LAMA5: variants seen among roughly 807,000 people sequenced by gnomAD.
LAMA5 encodes the protein laminin subunit alpha 5.
LAMA5 carries 260 observed loss-of-function variants against 433.4 expected under a neutral mutation model. The ratio of observed to expected loss-of-function variants is 0.60; its 90% CI spans 0.54 to 0.66. The LOEUF (loss-of-function observed/expected upper bound fraction) is 0.66. Among genes scored for constraint, LAMA5 ranks in the 30% least tolerant of loss-of-function variants. The probability of loss-of-function intolerance (pLI) is 0.00; values close to 1 mark genes in which losing one functional copy is unlikely to be tolerated. For synonymous variants in LAMA5, 2,620 were observed against 2,226.6 expected, an observed-to-expected ratio of 1.18 and a Z score of -4.97; for missense variants, 5,378 against 5,258.5, an observed-to-expected ratio of 1.02 and a Z score of -0.70.
chr20:62,326,019 G>C (rs1406403821), intron 40 of LAMA5, among the ~76,000 whole-genome samples: 3 of 152,076 alleles, frequency 2.0e-5, no homozygotes, highest in South Asian at 2.1e-4. Flanking sequence ...TCAGGAGTTC[G>C]AGACCAGCCT....
chr20:62,317,563 G>T, intron 54 of LAMA5, 64 bp from the exon 55 acceptor site: 2 of 1,522,218 alleles, frequency 1.3e-6, no homozygotes, highest in Non-Finnish European at 1.8e-6. Context: ...GACCCTGAGG[G>T]CGGGCTCTGC....
At position 62,338,102 on chromosome 20, in the gene LAMA5, G is replaced by A. The variant is rs1241963574; in HGVS notation, c.1805C>T (p.Ala602Val). 6.2e-7 allele frequency: 1 copy of A among 1,601,508 alleles called. No individual in the cohort carries two copies. Among genetic ancestry groups the A allele is most frequent in the South Asian group, 1.1e-5 (1 of 89,504 alleles). The change falls in exon 14 of 80, where the codon GCC (alanine) becomes GTC (valine). Residue 602 changes from alanine to valine, a missense_variant. Coordinates refer to ENST00000252999, the MANE Select transcript of LAMA5 (RefSeq NM_005560.6). ...CTCAGGCTGGCATAGGCAGCGGCCGGCCTCATCGCAGCCCTCGGGCAAGGT... is the reference window on the plus strand; with the variant it reads ...CTCAGGCTGGCATAGGCAGCGGCCGACCTCATCGCAGCCCTCGGGCAAGGT... ...AGTLPEGCDE[A>V]GRCLCQPEFA...
chr20:62,318,360 C>CGAGGGGAGGGGAGGG (rs1275859043), intron 53 of LAMA5, 94 bp downstream of exon 53: 5 of 452,060 alleles, frequency 1.1e-5, no homozygotes, highest in African/African-American at 9.7e-5. Context: ...GAGGGGAGGA[C>CGAGGGGAGGGGAGGG]GAGGGGAGGG....
In LAMA5 at chr20:62,324,151, G is replaced by A. The variant is rs114359027; in HGVS notation, c.5697C>T (p.Phe1899=). The change falls in exon 43 of 80, where the codon TTC becomes TTT. Residue 1899 remains phenylalanine (F), a synonymous_variant. Coordinates refer to ENST00000252999, the MANE Select transcript of LAMA5 (RefSeq NM_005560.6). This position sits in a 1 kb window ranked among gnomAD's most constrained non-coding sequence, Gnocchi z 4.4. The part of the protein sequence containing the change: ...GAHCERCQAG[F]VSSRDDPSAP... ...CGCTGGGGTCGTCCCTGCTGCTCAC[G>A]AAGCCAGCCTGGCAGCGCTCACAGT... is the stretch of plus-strand genomic sequence containing the variant. 1,488 of 1,556,116 alleles carry A rather than the reference G, an allele frequency of 9.6e-4. 15 individuals are homozygous for A. In the African/African-American group the frequency reaches 0.019, roughly 20 times the overall value.
In LAMA5 at chr20:62,330,842, C is replaced by T. The variant is rs200131801; in HGVS notation, c.3753G>A (p.Ala1251=). 28 of 1,542,464 alleles carry T rather than the reference C, an allele frequency of 1.8e-5. No homozygotes were observed. The highest frequency in any genetic ancestry group is 1.4e-4 in the Admixed American group (7 of 50,514). ...GGGACATGGCTGGAGTGAGATCCTG[C>T]GCGTGGGTCAGCGGGAGGCCGGGCG... ...PLPPGLPLTH[A]QDLTPAMSPA... Residue 1251 remains alanine, a synonymous_variant, in exon 30 of 80, where the codon GCG becomes GCA. Coordinates refer to ENST00000252999, the MANE Select transcript of LAMA5 (RefSeq NM_005560.6).
Position 62,311,179 on chromosome 20 carries a change from C to G in LAMA5, c.10071G>C (p.Leu3357=), listed in dbSNP as rs1175627071. 3.7e-6 allele frequency: 6 copies of G among 1,603,056 alleles called. No homozygotes were observed. The South Asian group carries it at 6.7e-5, about 18-fold the overall frequency. Residue 3357 remains leucine (L), a synonymous_variant, in exon 73 of 80, where the codon CTG becomes CTC. Coordinates refer to ENST00000252999, the MANE Select transcript of LAMA5 (RefSeq NM_005560.6). ...GGCCTTACCAGTTCCTATGTCGGGC[C>G]AGGATGCCCACAAACTCCAGGTGAC... ...LSSHLEFVGI[L]ARHRNWPSLS... is the part of the protein sequence containing the mutation.
rs1435739375 is a variant in LAMA5 at position 62,353,186 on chromosome 20, C to T, written c.516G>A (p.Leu172=). The T allele has an allele frequency of 6.3e-6, 10 of 1,585,554 alleles. No individual in the cohort carries two copies. The highest frequency in any genetic ancestry group is 8.6e-6 in the Non-Finnish European group (10 of 1,166,662). ...TGCGGCCGAAGTCCATGGACCGCTC[C>T]AGCACCCAGAGGTCCGGCCGGGGTG... ...ANSPRPDLWV[L]ERSMDFGRTY... is the part of the protein sequence containing the mutation. Residue 172 remains leucine, a synonymous_variant, in exon 3 of 80, where the codon CTG becomes CTA. Transcript: ENST00000252999.
rs564946185 is a variant in LAMA5 at position 62,311,243 on chromosome 20, G to A, written c.10007C>T (p.Thr3336Ile). The A allele has an allele frequency of 6.2e-7, 1 of 1,608,640 alleles. No individual in the cohort carries two copies. The highest frequency in any genetic ancestry group is 1.3e-5 in the African/African-American group (1 of 74,712). The change falls in exon 73 of 80, where the codon ACC (threonine) becomes ATC (isoleucine). Residue 3336 changes from threonine (T) to isoleucine (I), a missense_variant. By Grantham distance (89) the Thr-to-Ile change is moderately conservative. Transcript: ENST00000252999. ...CCCAAACTGGTAGGAGTCTCGGGTG[G>A]TCCTGAGGTGTGGGGGCAGCATGCA... ...PACMLPPHLR[T>I]TRDSYQFGGS...
In LAMA5 at chr20:62,330,838, C is replaced by G. The variant is rs1330103922; in HGVS notation, c.3757G>C (p.Asp1253His). ...GCTGGGGACATGGCTGGAGTGAGAT[C>G]CTGCGCGTGGGTCAGCGGGAGGCCG... ...PPGLPLTHAQ[D>H]LTPAMSPAGP... The change falls in exon 30 of 80, where the codon GAT (aspartate) becomes CAT (histidine). Residue 1253 changes from aspartate (D) to histidine (H), a missense_variant. Transcript: ENST00000252999. 1.3e-6 allele frequency: 2 copies of G among 1,543,384 alleles called. No individual in the cohort carries two copies.
At chr20:62,323,712 C>G (rs1347739791) in intron 44 of LAMA5, 42 bp from the exon 45 acceptor site, 2 of 1,593,134 alleles carry the variant, frequency 1.3e-6, no homozygotes, top group Non-Finnish European at 1.7e-6. Context: ...GCCCGTGGCG[C>G]CCACCCTCGC....
Position 62,333,162 on chromosome 20 carries a change from G to T in LAMA5, c.3210C>A (p.Ser1070Arg). ...GCTCCGTGGGGCAGGGCCGGGGCAG[G>T]CTGTTGTCCTGGCGACACAGGGCCT... ...GLEALCRQDN[S>R]LPRPCPTEQL... is the part of the protein sequence containing the mutation. The change falls in exon 26 of 80, where the codon AGC becomes AGA. Residue 1070 changes from serine (S) to arginine (R), a missense_variant. Ser to Arg is a moderately radical substitution (Grantham distance 110). Transcript: ENST00000252999. 2.0e-6 allele frequency: 3 copies of T among 1,516,446 alleles called. No individual in the cohort carries two copies. Among genetic ancestry groups the T allele is most frequent in the Non-Finnish European group, 2.6e-6 (3 of 1,134,192 alleles). The allele number at this position is 1,516,446 out of a possible 1,614,324, so 93.9% of individuals were successfully genotyped here.
In LAMA5 at chr20:62,327,827, C is replaced by T. The variant is rs4925375; in HGVS notation, c.4797+39G>A. ...TAAGGACACTTTCAGCTGATGAGGCCGGAGGGAGAGGCCAGATCTGGGCCC... is the reference window on the plus strand; with the variant it reads ...TAAGGACACTTTCAGCTGATGAGGCTGGAGGGAGAGGCCAGATCTGGGCCC... On this transcript the variant is annotated intron_variant, in intron 36 of 79. Transcript: ENST00000252999. The T allele has an allele frequency of 0.7, 1,106,012 of 1,583,578 alleles. 388,892 individuals carry two copies. The highest frequency in any genetic ancestry group is 0.91 in the East Asian group (40,376 of 44,574).
chr20:62,327,073 G>A (rs932020585), intron 38 of LAMA5, 107 bp from the exon 39 acceptor site: 8 of 1,097,174 alleles, frequency 7.3e-6, no homozygotes, highest in Middle Eastern at 2.7e-4. Flanking sequence ...TGCTGGGCCT[G>A]GATACTTGCG....
intron 6 of LAMA5, 27 bp downstream of exon 6, chr20:62,351,662 GGGGCCTCACCTGAAC>G: frequency 6.3e-7 from 1 of 1,582,160 alleles, no homozygotes; most frequent in Non-Finnish European, 8.6e-7. Flanking sequence ...GGAGCTGGGG[GGGGCCTCACCTGAAC>G]GGGGCCTCAC....
intron 28 of LAMA5, among the ~76,000 whole-genome samples, chr20:62,331,544 C>G (rs1023699688): frequency 1.3e-5 from 2 of 152,110 alleles, no homozygotes; most frequent in South Asian, 2.1e-4. Context: ...ACTGTTCCCC[C>G]ACTCTTATCT....
In LAMA5 at chr20:62,313,439, G is replaced by C; in HGVS notation, c.8680C>G (p.Pro2894Ala). Residue 2894 changes from proline to alanine, a missense_variant, in exon 64 of 80, where the codon CCC becomes GCC. By Grantham distance (27) the Pro-to-Ala change is conservative. Coordinates refer to ENST00000252999, the MANE Select transcript of LAMA5 (RefSeq NM_005560.6). ...TFTPPPLLRF[P>A]GYRGCIEMDT... ...ATCTCGATGCAGCCCCGGTAGCCGGGGAAGCGAAGCAGGGGAGGGGGCTGT... is the reference window on the plus strand; with the variant it reads ...ATCTCGATGCAGCCCCGGTAGCCGGCGAAGCGAAGCAGGGGAGGGGGCTGT... The C allele has an allele frequency of 6.2e-7, 1 of 1,609,960 alleles. No homozygotes were observed. The highest frequency in any genetic ancestry group is 8.5e-7 in the Non-Finnish European group (1 of 1,178,738).
intron 2 of LAMA5, among the ~76,000 whole-genome samples, chr20:62,360,211 G>A (rs1985820456): frequency 6.7e-6 from 1 of 148,332 alleles, no homozygotes; most frequent in African/African-American, 2.5e-5. Context: ...CAGGAAAGTG[G>A]GTGAGAAGGA....
intron 22 of LAMA5, 66 bp from the exon 23 acceptor site, chr20:62,334,105 AG>A: frequency 6.3e-7 from 1 of 1,587,218 alleles, no homozygotes; most frequent in Admixed American, 1.7e-5. Flanking sequence ...TGGGCCTTCA[AG>A]GGGCCTGCCC....
intron 3 of LAMA5, 74 bp from the exon 4 acceptor site, chr20:62,352,434 TG>T: frequency 8.7e-7 from 1 of 1,145,008 alleles, no homozygotes; most frequent in African/African-American, 1.5e-5. Context: ...CCGGGCCCCT[TG>T]ACGTCTCCGG....
Sources: gnomAD v4.1 joint callset for allele counts (sites outside exome capture counted in the v4.1 genomes callset) on GRCh38, gnomAD v4.1.1 for gene constraint, Gnocchi (gnomAD v3.1) non-coding constraint, MANE v1.5 for transcripts, NCBI Gene and HGNC (gene_info 2026-07-23, HGNC 2026-07-21) for gene names.